MYL12B: variants seen among roughly 807,000 people sequenced by gnomAD.
MYL12B encodes myosin regulatory light chain 12B.
MYL12B carries 3 observed loss-of-function variants against 12.9 expected under a neutral mutation model. That is an observed-to-expected ratio of 0.23 (90% confidence interval 0.11 to 0.60). MYL12B has a LOEUF of 0.60. Among genes scored for constraint, MYL12B ranks in the 20% least tolerant of loss-of-function variants. The pLI is 0.89. For missense variants in MYL12B, 120 were observed against 215.4 expected (o/e 0.56, Z 2.77); for synonymous variants, 57 against 71.9 (o/e 0.79, Z 1.05).
At chr18:3,275,659 T>C (rs1003534147) in intron 2 of MYL12B, among the ~76,000 whole-genome samples, 4 of 152,200 alleles carry the variant, frequency 2.6e-5, no homozygotes, top group Admixed American at 1.3e-4. Context: ...ATCAACAGAT[T>C]ACATTGGATG....
intron 2 of MYL12B, 24 bp from the exon 3 acceptor site, chr18:3,277,229 A>T: frequency 6.5e-7 from 1 of 1,527,212 alleles, no homozygotes; most frequent in Non-Finnish European, 8.8e-7. Context: ...TTGTCTTTAA[A>T]TGTTAAAATG....
In MYL12B at chr18:3,262,201, C is replaced by T. The variant is rs570615609; in HGVS notation, c.-52C>T. ...CGCTCTTCGCTGTCGTTTGTGGTCT[C>T]GCGCAGGGCGGCCCCGGTTCTGGTG... On this transcript the variant is annotated 5_prime_UTR_variant, in exon 1 of 4. Coordinates refer to ENST00000237500, the MANE Select transcript of MYL12B (RefSeq NM_033546.4). The T allele has an allele frequency of 2.4e-3, 371 of 152,342 alleles. 2 individuals are homozygous for T. Among genetic ancestry groups the T allele is most frequent in the South Asian group, 0.018 (89 of 4,832 alleles). 9.4% of individuals were successfully genotyped at this position (152,342 alleles called of 1,614,324 possible). A position where few individuals can be genotyped will look rare whatever the true frequency, so the allele number is the denominator to read the frequency against.
intron 1 of MYL12B, among the ~76,000 whole-genome samples, chr18:3,267,949 A>G (rs1354510630): frequency 6.6e-6 from 1 of 152,222 alleles, no homozygotes; most frequent in African/African-American, 2.4e-5. Context: ...ATAATACCTC[A>G]TATAATGCAA....
intron 1 of MYL12B, among the ~76,000 whole-genome samples, chr18:3,265,318 A>C (rs1167653558): frequency 6.6e-6 from 1 of 152,244 alleles, no homozygotes; most frequent in Non-Finnish European, 1.5e-5. Flanking sequence ...ACTGTTGCTT[A>C]TATATCCAGT....
chr18:3,276,431 C>G, intron 2 of MYL12B: 1 of 984,730 alleles, frequency 1.0e-6, no homozygotes, highest in Non-Finnish European at 1.2e-6. Flanking sequence ...GGGGAGTTCC[C>G]TCACCACTGC....
At chr18:3,267,151 A>G (rs1210024458) in intron 1 of MYL12B, among the ~76,000 whole-genome samples, 1 of 152,206 alleles carries the variant, frequency 6.6e-6, no homozygotes. Flanking sequence ...ACCCCCAGAC[A>G]TTCCATTACC....
rs185572821 is a variant in MYL12B, at chr18:3,266,015, T to C, written c.-16+3778T>C. The stretch of plus-strand genomic sequence containing the variant: ...TAATTCTGAAATAAAGGCATTGCCC[T>C]ATTTTAACATTAAAGAGGTCAAGGA... On this transcript the variant is annotated intron_variant, in intron 1 of 3. Transcript: ENST00000237500. Among the ~76,000 whole-genome samples, 128 of 152,340 alleles carry C rather than the reference T, an allele frequency of 8.4e-4. 1 individual carries two copies. Among genetic ancestry groups the C allele is most frequent in the East Asian group, 7.7e-4 (4 of 5,190 alleles).
At chr18:3,271,953 C>A in intron 1 of MYL12B, 1 of 558,332 alleles carries the variant, frequency 1.8e-6, no homozygotes, top group Non-Finnish European at 2.3e-6. Context: ...GTCTGTAATC[C>A]CAGCAGTTTG....
chr18:3,277,284 C>T lies in MYL12B; in HGVS notation c.216C>T (p.Ala72=), dbSNP rs1284948424. ...ATCCCACTGATGCATACCTTGATGC[C>T]ATGATGAATGAGGCCCCAGGGCCCA... ...GKNPTDAYLD[A]MMNEAPGPIN... The change falls in exon 3 of 4, where the codon GCC becomes GCT. Residue 72 remains alanine (A), a synonymous_variant. Transcript: ENST00000237500. 6.2e-7 allele frequency: 1 copy of T among 1,612,316 alleles called. No individual in the cohort carries two copies. The highest frequency in any genetic ancestry group is 1.3e-5 in the African/African-American group (1 of 74,792).
chr18:3,265,491 T>G (rs1348200237), intron 1 of MYL12B, among the ~76,000 whole-genome samples: 2 of 152,184 alleles, frequency 1.3e-5, no homozygotes, highest in African/African-American at 4.8e-5. Flanking sequence ...TCTGTGTGAG[T>G]TCATCTACTC....
intron 1 of MYL12B, 124 bp from the exon 2 acceptor site, chr18:3,272,760 C>A: frequency 1.1e-6 from 1 of 875,778 alleles, no homozygotes; most frequent in African/African-American, 1.7e-5. Flanking sequence ...TTATTCCTAC[C>A]CAATTGAAGT....
intron 2 of MYL12B, chr18:3,276,812 G>C (rs1567992660): frequency 6.8e-6 from 4 of 587,758 alleles, no homozygotes; most frequent in Non-Finnish European, 8.6e-6. Flanking sequence ...CAAGGCAGGT[G>C]GATCACTTGA....
chr18:3,263,073 C>T (rs1327429550), intron 1 of MYL12B: 2 of 151,998 alleles, frequency 1.3e-5, no homozygotes, highest in Non-Finnish European at 2.9e-5. Flanking sequence ...AAAAGCAGGC[C>T]GTGGGGACAC....
chr18:3,277,130 A>T, intron 2 of MYL12B, 123 bp from the exon 3 acceptor site: 2 of 1,258,238 alleles, frequency 1.6e-6, no homozygotes, highest in Non-Finnish European at 2.1e-6. Flanking sequence ...TCTTAAAGTT[A>T]ATTGAAAAAT....
At chr18:3,275,969 C>T (rs1241832856) in intron 2 of MYL12B, among the ~76,000 whole-genome samples, 5 of 152,090 alleles carry the variant, frequency 3.3e-5, no homozygotes, top group Non-Finnish European at 7.4e-5. Flanking sequence ...TTACATTTCA[C>T]CCAAATTCCC....
At chr18:3,266,791 C>T (rs1210159119) in intron 1 of MYL12B, among the ~76,000 whole-genome samples, 1 of 152,096 alleles carries the variant, frequency 6.6e-6, no homozygotes, top group African/African-American at 2.4e-5. Flanking sequence ...TAAAGGTCAT[C>T]CTGGGGATTA....
At chr18:3,264,817 G>A (rs2081624303) in intron 1 of MYL12B, among the ~76,000 whole-genome samples, 1 of 152,224 alleles carries the variant, frequency 6.6e-6, no homozygotes, top group Non-Finnish European at 1.5e-5. Context: ...AACAGTGGTT[G>A]CCTATGGGAG....
chr18:3,276,219 G>A (rs1038406792), intron 2 of MYL12B, among the ~76,000 whole-genome samples: 6 of 150,288 alleles, frequency 4.0e-5, no homozygotes, highest in African/African-American at 1.2e-4. Flanking sequence ...AGCACTGAAC[G>A]AAGGATCTGG....
In MYL12B at chr18:3,278,117, T is replaced by C. The variant is rs371514507; in HGVS notation, c.*180T>C. ...AGCACTTGTATAATCAGACTGGAAA[T>C]GGGGATGAGGGTGTAAATTGTATTG... On this transcript the variant is annotated 3_prime_UTR_variant, in exon 4 of 4. Transcript: ENST00000237500. The C allele has an allele frequency of 1.3e-5, 8 of 615,450 alleles. No individual in the cohort carries two copies. The highest frequency in any genetic ancestry group is 4.0e-5 in the Admixed American group (1 of 25,250). The allele number at this position is 615,450 out of a possible 1,614,324, so 38.1% of individuals were successfully genotyped here.
Sources: gnomAD v4.1 joint callset for allele counts (sites outside exome capture counted in the v4.1 genomes callset) on GRCh38, gnomAD v4.1.1 for gene constraint, MANE v1.5 for transcripts, NCBI Gene and HGNC (gene_info 2026-07-23, HGNC 2026-07-21) for gene names.